ZNF436: variants seen among roughly 807,000 people sequenced by gnomAD.
The protein encoded by ZNF436 is zinc finger protein 436, also known as DNA-binding protein.
A neutral mutation model predicts 41.9 loss-of-function variants in ZNF436; 22 were observed. That is an observed-to-expected ratio of 0.53 (90% CI 0.38 to 0.75). The LOEUF is 0.75. Among genes scored for constraint, ZNF436 ranks in the 30% least tolerant of loss-of-function variants. ZNF436 has a pLI of 0.00. For synonymous variants in ZNF436, 217 were observed against 197.8 expected (o/e 1.10, Z -0.82); for missense variants, 506 against 587.3 (o/e 0.86, Z 1.43).
At chr1:23,365,013 T>C (rs1638326714) in intron 3 of ZNF436, among the ~76,000 whole-genome samples, 1 of 152,042 alleles carries the variant, frequency 6.6e-6, no homozygotes, top group African/African-American at 2.4e-5. Context: ...TCCCAGCACT[T>C]TGGGAGGCTG....
Position 23,362,428 on chromosome 1 carries a change from G to C in ZNF436, c.954C>G (p.Asn318Lys). ...CDECGKNFSQNSDLVRHRRAH... is the reference protein window; with the variant it reads ...CDECGKNFSQKSDLVRHRRAH... ...CTCTGCGATGACGCACAAGGTCGGA[G>C]TTCTGACTGAAATTCTTCCCACACT... Residue 318 changes from asparagine (N) to lysine (K), a missense_variant, in exon 4 of 4, where the codon AAC becomes AAG. Asn to Lys is a moderately conservative substitution (Grantham distance 94, BLOSUM62 0). This residue lies in a region of ZNF436 where 278 missense variants were observed against 372.1 expected (regional missense o/e 0.75). Transcript: ENST00000314011. 2.5e-6 allele frequency: 4 copies of C among 1,613,870 alleles called. No homozygotes were observed. Among genetic ancestry groups the C allele is most frequent in the Non-Finnish European group, 2.5e-6 (3 of 1,179,858 alleles).
Position 23,362,707 on chromosome 1 carries a change from A to G in ZNF436, c.675T>C (p.Asn225=), listed in dbSNP as rs1638274140. The change falls in exon 4 of 4, where the codon AAT becomes AAC. Residue 225 remains asparagine, a synonymous_variant. Coordinates refer to ENST00000314011, the MANE Select transcript of ZNF436 (RefSeq NM_001077195.2). Reference sequence around the variant, plus strand: ...GACGGCAGAAACTTTTTCCACACTCATTACATTTGTGAGGCTTCTCTCCAG... The same window carrying G: ...GACGGCAGAAACTTTTTCCACACTCGTTACATTTGTGAGGCTTCTCTCCAG... ...IHTGEKPHKC[N]ECGKSFCRLS... 1 of 1,613,852 alleles carries G rather than the reference A, an allele frequency of 6.2e-7. No individual in the cohort carries two copies. The highest frequency in any genetic ancestry group is 1.3e-5 in the African/African-American group (1 of 74,926).
Position 23,361,776 on chromosome 1 carries a change from C to T in ZNF436, c.*193G>A. 1 of 541,902 alleles carries T rather than the reference C, an allele frequency of 1.8e-6. No homozygotes were observed. The highest frequency in any genetic ancestry group is 3.1e-6 in the Non-Finnish European group (1 of 320,300). The allele number at this position is 541,902 out of a possible 1,614,324, so 33.6% of individuals were successfully genotyped here. On this transcript the variant is annotated 3_prime_UTR_variant, in exon 4 of 4. Coordinates refer to ENST00000314011, the MANE Select transcript of ZNF436 (RefSeq NM_001077195.2). ...AGTAACCCATTGAGTGAATAAAAAT[C>T]ACCATTTTGGAGGAGATAACATTCC...
rs1374536598 is a variant in ZNF436, at chr1:23,368,015, A to C, written c.-10T>G. 1 of 1,613,888 alleles carries C rather than the reference A, an allele frequency of 6.2e-7. No homozygotes were observed. The highest frequency in any genetic ancestry group is 2.2e-5 in the East Asian group (1 of 44,840). On this transcript the variant is annotated 5_prime_UTR_variant, in exon 2 of 4. Coordinates refer to ENST00000314011, the MANE Select transcript of ZNF436 (RefSeq NM_001077195.2). The stretch of plus-strand genomic sequence containing the variant: ...GCAGGGTGGCTGCCATCTCGAGCAC[A>C]AGGGTTCGCCTCCAGGGAGAGAGAG...
Position 23,362,852 on chromosome 1 carries a change from C to T in ZNF436, c.530G>A (p.Arg177His), listed in dbSNP as rs767177068. 2 of 1,614,212 alleles carry T rather than the reference C, an allele frequency of 1.2e-6. No homozygotes were observed. The highest frequency in any genetic ancestry group is 1.1e-5 in the South Asian group (1 of 91,088). The change falls in exon 4 of 4, where the codon CGC (arginine) becomes CAC (histidine). Residue 177 changes from arginine (R) to histidine (H), a missense_variant. Arg to His is a conservative substitution (Grantham distance 29, BLOSUM62 0). Coordinates refer to ENST00000314011, the MANE Select transcript of ZNF436 (RefSeq NM_001077195.2). ...TTGATGCTGAATAAGGTGTGAGCTG[C>T]GACTGAAGCCTTTTCCACATTCATA... The part of the protein sequence containing the change: ...KCYECGKGFS[R>H]SSHLIQHQRT...
chr1:23,366,416 T>C (rs1465872512), intron 3 of ZNF436, among the ~76,000 whole-genome samples: 1 of 152,144 alleles, frequency 6.6e-6, no homozygotes, highest in Non-Finnish European at 1.5e-5. Context: ...TTATTCTAGT[T>C]ACACCCAGAC....
chr1:23,364,043 T>TA (rs57254366), intron 3 of ZNF436, among the ~76,000 whole-genome samples: 34,140 of 149,214 alleles, frequency 0.23, 3,988 homozygotes, highest in African/African-American at 0.3. Flanking sequence ...CCCTGTCTCT[T>TA]AAAAAAAAAA....
In ZNF436 at chr1:23,363,040, C is replaced by T. The variant is rs1396248470; in HGVS notation, c.342G>A (p.Trp114Ter). ...RQWGDLTAEE[W>*]VSYPLQPVTD... ...TGACTGGTTGGAGAGGATAGCTTAC[C>T]CACTCTTCTGCTGTTAAATCTCCCC... The change falls in exon 4 of 4, where the codon TGG becomes TGA. Residue 114 changes from tryptophan (W) to a stop codon, truncating the protein, a stop_gained. Coordinates refer to ENST00000314011, the MANE Select transcript of ZNF436 (RefSeq NM_001077195.2). LOFTEE classifies it high-confidence loss of function. The T allele has an allele frequency of 1.2e-6, 2 of 1,614,138 alleles. No homozygotes were observed. The highest frequency in any genetic ancestry group is 1.7e-6 in the Non-Finnish European group (2 of 1,180,036).
rs372477576 is a variant in ZNF436, at chr1:23,369,684, A to T, written c.-379T>A. 6 of 461,130 alleles carry T rather than the reference A, an allele frequency of 1.3e-5. No homozygotes were observed. The highest frequency in any genetic ancestry group is 2.7e-5 in the Non-Finnish European group (6 of 218,650). The allele number at this position is 461,130 out of a possible 1,614,324, so 28.6% of individuals were successfully genotyped here. ...GAGAAACCACCAGCAACTAAGCTGC[A>T]TTCAGCTGGAGTTCCTCGGAACGGG... On this transcript the variant is annotated 5_prime_UTR_variant, in exon 1 of 4. The change abolishes an upstream ATG in the 5' untranslated region. Transcript: ENST00000314011.
intron 2 of ZNF436, among the ~76,000 whole-genome samples, 176 bp from the exon 3 acceptor site, chr1:23,367,344 G>A (rs1190939238): frequency 6.6e-6 from 1 of 152,156 alleles, no homozygotes; most frequent in Non-Finnish European, 1.5e-5. Flanking sequence ...TGAGCTGATT[G>A]CTCTGGTCCC....
intron 1 of ZNF436, chr1:23,368,293 G>C: frequency 2.3e-6 from 1 of 434,334 alleles, no homozygotes; most frequent in Non-Finnish European, 4.2e-6. Flanking sequence ...CTCCCGCGCC[G>C]GGGGTTAGAC....
rs1239105441 is a variant in ZNF436 at position 23,367,988 on chromosome 1, G to A, written c.18C>T (p.Leu6=). The A allele has an allele frequency of 1.2e-5, 19 of 1,614,038 alleles. No individual in the cohort carries two copies. The highest frequency in any genetic ancestry group is 1.4e-5 in the Non-Finnish European group (17 of 1,180,032). MAATL[L]MAGSQAPVTF... ...TCCGGCTTACCTGGGACCCAGCCAT[G>A]AGCAGGGTGGCTGCCATCTCGAGCA... Residue 6 remains leucine (L), a synonymous_variant, in exon 2 of 4, where the codon CTC becomes CTT. Coordinates refer to ENST00000314011, the MANE Select transcript of ZNF436 (RefSeq NM_001077195.2).
intron 3 of ZNF436, among the ~76,000 whole-genome samples, chr1:23,366,712 A>C (rs941161714): frequency 1.3e-5 from 2 of 152,338 alleles, no homozygotes; most frequent in Admixed American, 1.3e-4. Context: ...CCTAGAGTAA[A>C]AGCACTAGTT....
chr1:23,364,308 G>A (rs189493577), intron 3 of ZNF436, among the ~76,000 whole-genome samples: 48 of 152,254 alleles, frequency 3.2e-4, no homozygotes, highest in Admixed American at 9.2e-4. Context: ...CGCAATCTCC[G>A]CTCACTGTAA....
At position 23,361,198 on chromosome 1, in the gene ZNF436, C is replaced by T. The variant is rs1646994087; in HGVS notation, c.*771G>A. On this transcript the variant is annotated 3_prime_UTR_variant, in exon 4 of 4. Transcript: ENST00000314011. ...TGAAGATATTTTCTATACAATATTCCCTATAGTGATCCCCAAAGAAAATTC... is the reference window on the plus strand; with the variant it reads ...TGAAGATATTTTCTATACAATATTCTCTATAGTGATCCCCAAAGAAAATTC... The T allele has an allele frequency of 6.6e-6, 1 of 152,506 alleles. No homozygotes were observed. The highest frequency in any genetic ancestry group is 2.4e-5 in the African/African-American group (1 of 41,382). The allele number at this position is 152,506 out of a possible 1,614,324, so 9.4% of individuals were successfully genotyped here. A position where few individuals can be genotyped will look rare whatever the true frequency, so the allele number is the denominator to read the frequency against.
rs768043223 is a variant in ZNF436 at position 23,363,221 on chromosome 1, T to A, written c.161A>T (p.Asp54Val). Reference sequence around the variant, plus strand: ...CTCGTTCTCACTCCTGATCTCAAAATCTGTAATAAAAAGTAAACAATAAGA... The same window carrying A: ...CTCGTTCTCACTCCTGATCTCAAAAACTGTAATAAAAAGTAAACAATAAGA... ...QENYGNVVSLDFEIRSENEVN... is the reference protein window; with the variant it reads ...QENYGNVVSLVFEIRSENEVN... The change falls in exon 4 of 4, where the codon GAT becomes GTT. Residue 54 changes from aspartate (D) to valine (V), a missense_variant and splice_region_variant. Asp to Val is a radical substitution (Grantham distance 152). Coordinates refer to ENST00000314011, the MANE Select transcript of ZNF436 (RefSeq NM_001077195.2). 6.2e-7 allele frequency: 1 copy of A among 1,607,350 alleles called. No homozygotes were observed. The highest frequency in any genetic ancestry group is 1.7e-5 in the Admixed American group (1 of 59,534).
rs1309868202 is a variant in ZNF436, at chr1:23,369,403, C to G, written c.-98G>C. The G allele has an allele frequency of 1.9e-6, 1 of 534,706 alleles. No individual in the cohort carries two copies. The allele number at this position is 534,706 out of a possible 1,614,324, so 33.1% of individuals were successfully genotyped here. A position where few individuals can be genotyped will look rare whatever the true frequency, so the allele number is the denominator to read the frequency against. ...AAAAGATCCACTAGATCGTCGTCTC[C>G]AAAACCTGAGAGACCGCGAACGGGT... is the stretch of plus-strand genomic sequence containing the variant. On this transcript the variant is annotated 5_prime_UTR_variant, in exon 1 of 4. Transcript: ENST00000314011.
intron 2 of ZNF436, 128 bp downstream of exon 2, chr1:23,367,845 G>A (rs1638395677): frequency 9.7e-7 from 1 of 1,034,144 alleles, no homozygotes; most frequent in African/African-American, 1.6e-5. Flanking sequence ...CTAGGCCCCT[G>A]GAGGCAGAAT....
chr1:23,364,092 A>C (rs934372981), intron 3 of ZNF436, among the ~76,000 whole-genome samples: 1 of 152,216 alleles, frequency 6.6e-6, no homozygotes, highest in Non-Finnish European at 1.5e-5. Flanking sequence ...CTGGAAGCAG[A>C]AAATATGAGA....
Sources: gnomAD v4.1 joint callset for allele counts (sites outside exome capture counted in the v4.1 genomes callset) on GRCh38, gnomAD v4.1.1 for gene constraint, gnomAD v4.1.1 regional missense constraint, MANE v1.5 for transcripts, NCBI Gene and HGNC (gene_info 2026-07-23, HGNC 2026-07-21) for gene names.